The following ZNF385B variants were observed in gnomAD, a reference collection of about 807,000 sequenced individuals.
The protein encoded by ZNF385B is zinc finger protein 533.
Under a neutral mutation model 39.2 loss-of-function variants are expected in ZNF385B, and 23 were observed. That is an observed-to-expected ratio of 0.59 (90% CI 0.42 to 0.83). ZNF385B has a LOEUF of 0.83. Ranked by LOEUF, ZNF385B falls within the 40% of genes least tolerant of loss-of-function variation. The pLI, the probability that ZNF385B is intolerant of heterozygous loss-of-function variation, is 0.00. For missense variants in ZNF385B, 552 were observed against 598.9 expected (o/e 0.92, Z 0.82); for synonymous variants, 205 against 222.6 (o/e 0.92, Z 0.70).
chr2:179,798,608 G>A (rs1047266292), intron 1 of ZNF385B, among the ~76,000 whole-genome samples: 7 of 151,984 alleles, frequency 4.6e-5, no homozygotes, highest in African/African-American at 1.7e-4. Context: ...CACAATACTA[G>A]TGTCAGGATC....
intron 3 of ZNF385B, among the ~76,000 whole-genome samples, chr2:179,683,514 T>C (rs903959935): frequency 6.6e-6 from 1 of 151,780 alleles, no homozygotes; most frequent in African/African-American, 2.4e-5. Flanking sequence ...TATCTCTTGT[T>C]GCCCAGGCTG....
intron 3 of ZNF385B, among the ~76,000 whole-genome samples, chr2:179,649,185 T>A (rs1426730733): frequency 2.0e-5 from 3 of 152,024 alleles, no homozygotes; most frequent in African/African-American, 7.2e-5. Context: ...AGAGTCAAGA[T>A]CATGAAAATT....
At chr2:179,678,342 T>C (rs1183259050) in intron 3 of ZNF385B, among the ~76,000 whole-genome samples, 1 of 152,220 alleles carries the variant, frequency 6.6e-6, no homozygotes, top group Non-Finnish European at 1.5e-5. Context: ...CATGGCTACC[T>C]GGAATAAAGC....
chr2:179,825,611 A>G (rs536379715), intron 1 of ZNF385B, among the ~76,000 whole-genome samples: 42 of 152,284 alleles, frequency 2.8e-4, no homozygotes, highest in African/African-American at 9.9e-4. Flanking sequence ...CTTGAAGCTC[A>G]GATTAGTTAG....
chr2:179,787,311 CTA>C (rs1409211735), intron 1 of ZNF385B, among the ~76,000 whole-genome samples: 4 of 151,800 alleles, frequency 2.6e-5, no homozygotes, highest in Non-Finnish European at 5.9e-5. Flanking sequence ...GTTCCCTGCT[CTA>C]TGTTATAAAA....
At chr2:179,844,979 G>A (rs1321211913) in intron 1 of ZNF385B, among the ~76,000 whole-genome samples, 1 of 152,132 alleles carries the variant, frequency 6.6e-6, no homozygotes, top group Non-Finnish European at 1.5e-5. Flanking sequence ...GACATGTACA[G>A]TATCCATATA....
intron 3 of ZNF385B, among the ~76,000 whole-genome samples, chr2:179,549,805 G>T (rs1390207268): frequency 6.7e-6 from 1 of 149,406 alleles, no homozygotes; most frequent in Non-Finnish European, 1.5e-5. Context: ...AAGTCTTCAG[G>T]TCAGCCCCAT....
intron 3 of ZNF385B, among the ~76,000 whole-genome samples, chr2:179,656,689 A>G: frequency 6.6e-6 from 1 of 152,104 alleles, no homozygotes; most frequent in Non-Finnish European, 1.5e-5. Flanking sequence ...TTGCTCTCCT[A>G]AGGGACCTTC....
At chr2:179,691,330 T>C (rs1324915106) in intron 3 of ZNF385B, among the ~76,000 whole-genome samples, 1 of 152,182 alleles carries the variant, frequency 6.6e-6, no homozygotes, top group African/African-American at 2.4e-5. Context: ...AGATCTGCTC[T>C]GATAAAAAAA....
chr2:179,769,323 G>T (rs1034308787), intron 3 of ZNF385B, among the ~76,000 whole-genome samples, 180 bp downstream of exon 3: 6 of 152,206 alleles, frequency 3.9e-5, no homozygotes, highest in Admixed American at 2.6e-4. Flanking sequence ...GTCAGTGGGT[G>T]TAACAAATAT....
At chr2:179,638,620 G>A (rs1053333397) in intron 3 of ZNF385B, among the ~76,000 whole-genome samples, 1 of 152,168 alleles carries the variant, frequency 6.6e-6, no homozygotes, top group African/African-American at 2.4e-5. Flanking sequence ...TAATACTGCT[G>A]TGTATGTGTG....
At chr2:179,564,813 C>T (rs1684366794) in intron 3 of ZNF385B, among the ~76,000 whole-genome samples, 2 of 152,134 alleles carry the variant, frequency 1.3e-5, no homozygotes, top group African/African-American at 4.8e-5. Flanking sequence ...ACCTGTATCC[C>T]ATTGGCACCT....
At chr2:179,776,071 A>G (rs911633280) in intron 1 of ZNF385B, among the ~76,000 whole-genome samples, 6 of 152,222 alleles carry the variant, frequency 3.9e-5, no homozygotes, top group African/African-American at 1.2e-4. Context: ...TTGAAGCTCA[A>G]ACTGGACTAT....
At chr2:179,841,073 T>C (rs1243005623) in intron 1 of ZNF385B, among the ~76,000 whole-genome samples, 1 of 152,268 alleles carries the variant, frequency 6.6e-6, no homozygotes, top group Non-Finnish European at 1.5e-5. Flanking sequence ...TCTGCATTTC[T>C]GCAAAACTTC....
chr2:179,500,113 T>C (rs1195244250), intron 5 of ZNF385B, among the ~76,000 whole-genome samples: 1 of 151,876 alleles, frequency 6.6e-6, no homozygotes, highest in Non-Finnish European at 1.5e-5. Flanking sequence ...AACTGTAAAA[T>C]TGATGAAAAA....
chr2:179,694,537 T>C (rs1486690329), intron 3 of ZNF385B, among the ~76,000 whole-genome samples: 3 of 152,188 alleles, frequency 2.0e-5, no homozygotes, highest in South Asian at 2.1e-4. Context: ...TGTTGACACA[T>C]AGCCACACTG....
At chr2:179,683,487 T>TG (rs1251972833) in intron 3 of ZNF385B, among the ~76,000 whole-genome samples, 2 of 152,022 alleles carry the variant, frequency 1.3e-5, no homozygotes, top group African/African-American at 2.4e-5. Context: ...ATTTTTTTTT[T>TG]TTTTTTAGAT....
chr2:179,773,372 A>G (rs1470311477), intron 1 of ZNF385B, among the ~76,000 whole-genome samples: 2 of 152,116 alleles, frequency 1.3e-5, no homozygotes, highest in Admixed American at 1.3e-4. Context: ...CTTAACCCCT[A>G]ACAACTTGGC....
chr2:179,759,938 T>C (rs1474010315), intron 3 of ZNF385B, among the ~76,000 whole-genome samples: 2 of 152,176 alleles, frequency 1.3e-5, no homozygotes, highest in Non-Finnish European at 2.9e-5. Context: ...TGGTCATCAT[T>C]ATTATAAATT....
Sources: allele counts gnomAD v4.1 joint callset (sites outside exome capture counted in the v4.1 genomes callset), GRCh38; gene constraint gnomAD v4.1.1; transcripts MANE v1.5; gene names NCBI Gene and HGNC (gene_info 2026-07-23, HGNC 2026-07-21).